The following RIGI variants were observed in gnomAD, a reference collection of about 807,000 sequenced individuals.
RIGI encodes antiviral innate immune response receptor RIG-I.
the RIGI span, among the ~76,000 whole-genome samples, chr9:32,518,090 A>T: frequency 9.2e-5 from 14 of 152,306 alleles, no homozygotes; most frequent in East Asian, 2.3e-3. Flanking sequence ...GTTACTAAGG[A>T]TAAGAATTCT....
chr9:32,490,377 C>A, the RIGI span, among the ~76,000 whole-genome samples: 1 of 151,838 alleles, frequency 6.6e-6, no homozygotes, highest in African/African-American at 2.4e-5. Context: ...TCTCAAAAAA[C>A]AATAACAACA....
the RIGI span, among the ~76,000 whole-genome samples, chr9:32,523,375 A>G: frequency 5.9e-5 from 9 of 152,114 alleles, no homozygotes; most frequent in Non-Finnish European, 1.3e-4. Context: ...TCTGATGAAC[A>G]TCTCTTCATG....
chr9:32,526,143 G>C, the RIGI span: 1 of 1,613,540 alleles, frequency 6.2e-7, no homozygotes, highest in Non-Finnish European at 8.5e-7. Context: ...AGGCTTGCAG[G>C]CTGCGTCGCT....
chr9:32,524,759 C>T, the RIGI span, among the ~76,000 whole-genome samples: 1 of 151,754 alleles, frequency 6.6e-6, no homozygotes, highest in Non-Finnish European at 1.5e-5. Flanking sequence ...TGCACCACTA[C>T]GCCTGGCTAA....
At chr9:32,504,324 A>G in the RIGI span, among the ~76,000 whole-genome samples, 7 of 152,134 alleles carry the variant, frequency 4.6e-5, no homozygotes, top group Non-Finnish European at 8.8e-5. Context: ...CAAAAGTTTT[A>G]TATCCAGCCA....
At chr9:32,505,439 G>A in the RIGI span, among the ~76,000 whole-genome samples, 4 of 152,064 alleles carry the variant, frequency 2.6e-5, no homozygotes, top group African/African-American at 9.6e-5. Context: ...ATTAGCATAG[G>A]GAGAATTGAC....
the RIGI span, among the ~76,000 whole-genome samples, chr9:32,499,679 C>T: frequency 6.6e-6 from 1 of 152,174 alleles, no homozygotes; most frequent in Non-Finnish European, 1.5e-5. Context: ...TGTTCTCAAA[C>T]TCCTGACGTC....
At chr9:32,462,400 C>A in the RIGI span, among the ~76,000 whole-genome samples, 1 of 132,296 alleles carries the variant, frequency 7.6e-6, no homozygotes, top group Admixed American at 8.3e-5. Flanking sequence ...AAAATTAGAT[C>A]TAGCTTTTTT....
At chr9:32,505,784 T>C in the RIGI span, among the ~76,000 whole-genome samples, 3 of 152,210 alleles carry the variant, frequency 2.0e-5, no homozygotes, top group African/African-American at 7.2e-5. Context: ...CACATAAATG[T>C]AGTATAATTT....
chr9:32,460,391 T>C, the RIGI span, among the ~76,000 whole-genome samples: 2 of 152,174 alleles, frequency 1.3e-5, no homozygotes, highest in Non-Finnish European at 2.9e-5. Context: ...ATTCAAAATC[T>C]AGGCCTTGGC....
the RIGI span, among the ~76,000 whole-genome samples, chr9:32,465,145 G>A: frequency 6.6e-6 from 1 of 152,334 alleles, no homozygotes; most frequent in African/African-American, 2.4e-5. Context: ...AGTGAAGAGA[G>A]AATAGAGAAT....
the RIGI span, among the ~76,000 whole-genome samples, chr9:32,502,776 C>T: frequency 6.6e-6 from 1 of 152,206 alleles, no homozygotes; most frequent in South Asian, 2.1e-4. Context: ...CCTTCTGTTT[C>T]TCTGGCTTGT....
the RIGI span, among the ~76,000 whole-genome samples, chr9:32,510,850 A>G: frequency 6.6e-6 from 1 of 152,060 alleles, no homozygotes; most frequent in South Asian, 2.1e-4. Context: ...CCCATCTCAC[A>G]TGTAAAGACA....
At chr9:32,474,643 C>T in the RIGI span, among the ~76,000 whole-genome samples, 1 of 152,200 alleles carries the variant, frequency 6.6e-6, no homozygotes, top group African/African-American at 2.4e-5. Context: ...AGCCAACAGC[C>T]ATATGAGAGG....
chr9:32,479,900 A>AC, the RIGI span, among the ~76,000 whole-genome samples: 1 of 151,524 alleles, frequency 6.6e-6, no homozygotes, highest in African/African-American at 2.4e-5. Context: ...ACTTTTTCAT[A>AC]TTTTTAAAGC....
the RIGI span, chr9:32,459,322 G>C: frequency 6.3e-7 from 1 of 1,591,496 alleles, no homozygotes; most frequent in South Asian, 1.1e-5. Flanking sequence ...ACAGTAAGCT[G>C]TAGCTAGTGC....
the RIGI span, chr9:32,480,259 T>G: frequency 6.2e-7 from 1 of 1,611,170 alleles, no homozygotes; most frequent in South Asian, 1.1e-5. Context: ...TCTCATCGAA[T>G]CCTGCTGCTC....
chr9:32,474,413 C>T, the RIGI span, among the ~76,000 whole-genome samples: 1 of 152,066 alleles, frequency 6.6e-6, no homozygotes, highest in African/African-American at 2.4e-5. Context: ...CATGTAATCC[C>T]CTCCCCTGAG....
the RIGI span, among the ~76,000 whole-genome samples, chr9:32,495,538 G>A: frequency 1.8e-5 from 1 of 54,704 alleles, no homozygotes; most frequent in East Asian, 2.9e-4. Flanking sequence ...TAATGGGGGT[G>A]AGGTGATATT....
Sources: allele counts gnomAD v4.1 joint callset (sites outside exome capture counted in the v4.1 genomes callset), GRCh38; gene constraint gnomAD v4.1.1; transcripts MANE v1.5; gene names NCBI Gene and HGNC (gene_info 2026-07-23, HGNC 2026-07-21).